The following TMEM163 variants were observed in gnomAD, a reference collection of about 807,000 sequenced individuals.
TMEM163 encodes the protein transmembrane protein 163.
In TMEM163, 17 loss-of-function variants were observed where a neutral mutation model predicts 29.3. The observed-to-expected ratio is 0.58, with a 90% CI of 0.40 to 0.87. The LOEUF is 0.87. TMEM163 is among the 40% of genes least tolerant of loss of function. TMEM163 has a pLI of 0.00. For synonymous variants in TMEM163, 157 were observed against 160.6 expected (o/e 0.98, Z 0.17); for missense variants, 303 against 381.5 (o/e 0.79, Z 1.71).
At chr2:134,573,168 G>A (rs1241297826) in intron 2 of TMEM163, among the ~76,000 whole-genome samples, 1 of 152,166 alleles carries the variant, frequency 6.6e-6, no homozygotes, top group Non-Finnish European at 1.5e-5. Context: ...TTATCACACT[G>A]CACAAAGGAG....
intron 4 of TMEM163, among the ~76,000 whole-genome samples, chr2:134,541,604 A>C (rs888102745): frequency 6.6e-6 from 1 of 152,268 alleles, no homozygotes; most frequent in African/African-American, 2.4e-5. Context: ...GGCTAAACCC[A>C]TACATAGAAT....
chr2:134,521,402 G>A (rs907859355), intron 4 of TMEM163, among the ~76,000 whole-genome samples: 11 of 152,152 alleles, frequency 7.2e-5, no homozygotes, highest in African/African-American at 2.7e-4. Flanking sequence ...ATGTCTGGAG[G>A]CATTTTCCAT....
intron 5 of TMEM163, among the ~76,000 whole-genome samples, chr2:134,497,854 G>C (rs1031654206): frequency 1.3e-5 from 2 of 152,164 alleles, no homozygotes. Context: ...GCCCAAGAGA[G>C]AGCAATACAA....
intron 4 of TMEM163, among the ~76,000 whole-genome samples, chr2:134,548,788 T>C (rs765753002): frequency 2.0e-5 from 3 of 152,214 alleles, no homozygotes; most frequent in Non-Finnish European, 2.9e-5. Context: ...CTTGTACACA[T>C]AGCCTGAAGG....
intron 4 of TMEM163, among the ~76,000 whole-genome samples, chr2:134,509,239 ATTTCT>A (rs1433402281): frequency 6.6e-6 from 1 of 152,210 alleles, no homozygotes; most frequent in East Asian, 1.9e-4. Context: ...TGAAATTTTA[ATTTCT>A]TTTAATTAAA....
intron 5 of TMEM163, among the ~76,000 whole-genome samples, chr2:134,484,902 G>C (rs1679276993): frequency 6.6e-6 from 1 of 152,180 alleles, no homozygotes; most frequent in Non-Finnish European, 1.5e-5. Context: ...AGTTATAAAT[G>C]GCTGCTGTAG....
intron 2 of TMEM163, among the ~76,000 whole-genome samples, chr2:134,596,293 G>C (rs942930855): frequency 9.9e-5 from 15 of 152,136 alleles, no homozygotes; most frequent in Non-Finnish European, 1.6e-4. Flanking sequence ...TTTTGTATAA[G>C]GTGTAAGGAA....
intron 2 of TMEM163, among the ~76,000 whole-genome samples, chr2:134,643,798 C>T (rs966261151): frequency 2.6e-5 from 4 of 151,720 alleles, no homozygotes; most frequent in African/African-American, 4.8e-5. Flanking sequence ...AAAAGGCATA[C>T]AGATAGGAAA....
At chr2:134,678,338 G>A (rs1684159268) in intron 2 of TMEM163, among the ~76,000 whole-genome samples, 1 of 152,340 alleles carries the variant, frequency 6.6e-6, no homozygotes, top group Middle Eastern at 3.4e-3. Context: ...AGCAGTGGCA[G>A]TACGCCCTGT....
intron 5 of TMEM163, among the ~76,000 whole-genome samples, chr2:134,476,431 G>A (rs1197341093): frequency 2.0e-5 from 3 of 152,168 alleles, no homozygotes; most frequent in Non-Finnish European, 4.4e-5. Flanking sequence ...TCATCAAGTT[G>A]CGTACTTAAA....
At chr2:134,676,924 T>C (rs902498351) in intron 2 of TMEM163, among the ~76,000 whole-genome samples, 1 of 152,088 alleles carries the variant, frequency 6.6e-6, no homozygotes, top group African/African-American at 2.4e-5. Flanking sequence ...AACCAACTGA[T>C]AAACCACCAT....
chr2:134,488,263 C>T (rs114229013), intron 5 of TMEM163, among the ~76,000 whole-genome samples: 2,166 of 152,218 alleles, frequency 0.014, 70 homozygotes, highest in African/African-American at 0.05. Context: ...CTCAGATGAT[C>T]CCCCTGCCTC....
intron 5 of TMEM163, among the ~76,000 whole-genome samples, chr2:134,499,071 C>T (rs111603914): frequency 0.033 from 5,010 of 152,160 alleles, 294 homozygotes; most frequent in African/African-American, 0.11. Context: ...GGGGTAAAAA[C>T]GGGGAGAGCA....
intron 2 of TMEM163, among the ~76,000 whole-genome samples, chr2:134,636,484 T>C (rs1447060562): frequency 6.6e-6 from 1 of 152,256 alleles, no homozygotes; most frequent in Non-Finnish European, 1.5e-5. Context: ...GAAAGAGACT[T>C]GACCTAACCA....
intron 6 of TMEM163, among the ~76,000 whole-genome samples, chr2:134,461,241 A>G (rs114905283): frequency 0.012 from 1,801 of 152,386 alleles, 21 homozygotes; most frequent in Non-Finnish European, 0.019. Flanking sequence ...CAGCTCCACC[A>G]GTCTGGCTTT....
In TMEM163 at chr2:134,683,529, G is replaced by T. The variant is rs181213863; in HGVS notation, c.322+29671C>A. Reference sequence around the variant, plus strand: ...TCTGATCATAGAGCAAACAACAGGGGTGGCAATTACAAAACATGAATAACT... The same window carrying T: ...TCTGATCATAGAGCAAACAACAGGGTTGGCAATTACAAAACATGAATAACT... On this transcript the variant is annotated intron_variant, in intron 2 of 7. Transcript: ENST00000281924. Among the ~76,000 whole-genome samples, 5 of 152,108 alleles carry T rather than the reference G, an allele frequency of 3.3e-5. No homozygotes were observed. In the East Asian group the frequency reaches 7.7e-4, roughly 23 times the overall value.
chr2:134,673,096 T>C lies in TMEM163; in HGVS notation c.322+40104A>G, dbSNP rs143017712. On this transcript the variant is annotated intron_variant, in intron 2 of 7. Transcript: ENST00000281924. Reference sequence around the variant, plus strand: ...AAACCCCATTGTTATCTGATGAATATCATCATGGACCCTCTCCACAGAAAA... The same window carrying C: ...AAACCCCATTGTTATCTGATGAATACCATCATGGACCCTCTCCACAGAAAA... Among the ~76,000 whole-genome samples, 340 of 152,252 alleles carry C rather than the reference T, an allele frequency of 2.2e-3. 3 individuals carry two copies. Among genetic ancestry groups the C allele is most frequent in the South Asian group, 0.015 (70 of 4,812 alleles).
chr2:134,480,395 C>T (rs1687022232), intron 5 of TMEM163, among the ~76,000 whole-genome samples: 3 of 56,824 alleles, frequency 5.3e-5, no homozygotes, highest in Admixed American at 2.3e-4. Flanking sequence ...GCAATCACTC[C>T]TCACCCCCGA....
intron 2 of TMEM163, among the ~76,000 whole-genome samples, chr2:134,611,628 C>CG (rs1306709573): frequency 6.6e-6 from 1 of 152,148 alleles, no homozygotes; most frequent in African/African-American, 2.4e-5. Flanking sequence ...AGAACAAGGA[C>CG]ACATAGGCTA....
Sources: gnomAD v4.1 joint callset for allele counts (sites outside exome capture counted in the v4.1 genomes callset) on GRCh38, gnomAD v4.1.1 for gene constraint, MANE v1.5 for transcripts, NCBI Gene and HGNC (gene_info 2026-07-23, HGNC 2026-07-21) for gene names.